The following RAB25 variants were observed in gnomAD, a reference collection of about 807,000 sequenced individuals.
The protein encoded by RAB25 is RAB25, member RAS oncogene family.
In RAB25, 23 loss-of-function variants were observed where a neutral mutation model predicts 25.2. The observed-to-expected ratio is 0.91, with a 90% confidence interval of 0.66 to 1.29. RAB25 has a LOEUF of 1.29. Among genes scored for constraint, RAB25 ranks in the 50% most tolerant of loss-of-function variants. The probability of loss-of-function intolerance (pLI) is 0.00; values close to 1 mark genes in which losing one functional copy is unlikely to be tolerated. For missense variants in RAB25, 244 were observed against 277.3 expected (o/e 0.88, Z 0.85); for synonymous variants, 102 against 111.5 (o/e 0.91, Z 0.54).
intron 4 of RAB25, 141 bp from the exon 5 acceptor site, chr1:156,070,019 C>A: frequency 7.5e-7 from 1 of 1,330,710 alleles, no homozygotes; most frequent in Non-Finnish European, 1.1e-6. Flanking sequence ...GTCCACACTT[C>A]ATTTCCTTCC....
chr1:156,066,718 C>T (rs1414033022), intron 2 of RAB25, among the ~76,000 whole-genome samples: 1 of 152,024 alleles, frequency 6.6e-6, no homozygotes, highest in Non-Finnish European at 1.5e-5. Context: ...GTGGGTGGAT[C>T]GCTTGAGCTC....
intron 4 of RAB25, 41 bp from the exon 5 acceptor site, chr1:156,070,119 T>C (rs1281184527): frequency 6.2e-7 from 1 of 1,613,992 alleles, no homozygotes; most frequent in Non-Finnish European, 8.5e-7. Flanking sequence ...GAGCATGGGC[T>C]CTAAATCTTC....
At chr1:156,064,274 A>G (rs1430359114) in intron 1 of RAB25, among the ~76,000 whole-genome samples, 3 of 152,034 alleles carry the variant, frequency 2.0e-5, no homozygotes, top group Non-Finnish European at 4.4e-5. Context: ...ACACAATTTC[A>G]CTGTCACCCA....
intron 1 of RAB25, among the ~76,000 whole-genome samples, chr1:156,062,556 C>A (rs548568688): frequency 6.6e-6 from 1 of 152,274 alleles, no homozygotes; most frequent in African/African-American, 2.4e-5. Context: ...CTACTGGCAT[C>A]TTTTCCAGGA....
At chr1:156,061,602 T>C (rs1647582956) in intron 1 of RAB25, among the ~76,000 whole-genome samples, 159 bp downstream of exon 1, 1 of 152,094 alleles carries the variant, frequency 6.6e-6, no homozygotes, top group Non-Finnish European at 1.5e-5. Context: ...GGGGAGGGTC[T>C]GGTTGCAGGG....
chr1:156,062,828 G>T (rs1035471253), intron 1 of RAB25, among the ~76,000 whole-genome samples: 1 of 151,874 alleles, frequency 6.6e-6, no homozygotes, highest in Admixed American at 6.6e-5. Flanking sequence ...CCGAGGCGGC[G>T]GGATCACTTA....
chr1:156,061,374 C>CA lies in RAB25; in HGVS notation c.-26dup, dbSNP rs1647575715. ...GATTTGTCGCCTCTGTCCCCGAAGA[C>CA]ACCTGCACCCTCCATGCGGAGCCAA... On this transcript the variant is annotated 5_prime_UTR_variant, in exon 1 of 5. Transcript: ENST00000361084. The CA allele has an allele frequency of 3.7e-6, 6 of 1,613,430 alleles. No individual in the cohort carries two copies. Among genetic ancestry groups the CA allele is most frequent in the Non-Finnish European group, 5.1e-6 (6 of 1,179,410 alleles).
chr1:156,066,185 G>A, intron 2 of RAB25, 79 bp downstream of exon 2: 3 of 1,311,188 alleles, frequency 2.3e-6, no homozygotes, highest in African/African-American at 1.5e-5. Flanking sequence ...AGAAGTGGGG[G>A]AGGAGGAGGC....
chr1:156,066,060 A>T lies in RAB25; in HGVS notation c.193A>T (p.Ile65Phe). Reference sequence around the variant, plus strand: ...GGGCACCGCTGCTGTCAAGGCTCAGATCTGGGACACAGCTGGCCTGGAGCG... The same window carrying T: ...GGGCACCGCTGCTGTCAAGGCTCAGTTCTGGGACACAGCTGGCCTGGAGCG... Reference protein sequence around the residue: ...MLGTAAVKAQIWDTAGLERYR... With the variant: ...MLGTAAVKAQFWDTAGLERYR... Residue 65 changes from isoleucine (I) to phenylalanine (F), a missense_variant, in exon 2 of 5, where the codon ATC becomes TTC. Physicochemically the swap from Ile to Phe is conservative, Grantham distance 21 (BLOSUM62 0). Transcript: ENST00000361084. The T allele has an allele frequency of 6.2e-7, 1 of 1,612,374 alleles. No individual in the cohort carries two copies.
At chr1:156,062,192 G>C (rs1647608416) in intron 1 of RAB25, among the ~76,000 whole-genome samples, 1 of 152,178 alleles carries the variant, frequency 6.6e-6, no homozygotes, top group Non-Finnish European at 1.5e-5. Context: ...CCATTATAGG[G>C]TGGGGCAATA....
chr1:156,062,977 C>T (rs1180967220), intron 1 of RAB25, among the ~76,000 whole-genome samples: 2 of 150,190 alleles, frequency 1.3e-5, no homozygotes, highest in African/African-American at 2.4e-5. Flanking sequence ...TCACTTGAAC[C>T]CAGGAAGCAG....
intron 4 of RAB25, 189 bp downstream of exon 4, chr1:156,069,940 C>A: frequency 1.2e-6 from 1 of 844,886 alleles, no homozygotes; most frequent in Non-Finnish European, 1.9e-6. Flanking sequence ...AGGGAGGGAA[C>A]AGGCCACACT....
Position 156,069,877 on chromosome 1 carries a change from A to T in RAB25, c.514+126A>T. 3.1e-6 allele frequency: 3 copies of T among 956,862 alleles called. No individual in the cohort carries two copies. In the South Asian group the frequency reaches 4.3e-5, roughly 14 times the overall value. 59.3% of individuals were successfully genotyped at this position (956,862 alleles called of 1,614,324 possible). A position where few individuals can be genotyped will look rare whatever the true frequency, so the allele number is the denominator to read the frequency against. Reference sequence around the variant, plus strand: ...CAGCTCCTCTGTGGGTCCTGGCACCACTGCCTGTCCCCCTCAGTCCCTCCC... The same window carrying T: ...CAGCTCCTCTGTGGGTCCTGGCACCTCTGCCTGTCCCCCTCAGTCCCTCCC... On this transcript the variant is annotated intron_variant, in intron 4 of 4. Coordinates refer to ENST00000361084, the MANE Select transcript of RAB25 (RefSeq NM_020387.4).
intron 1 of RAB25, 101 bp from the exon 2 acceptor site, chr1:156,065,810 C>T (rs1295622131): frequency 1.8e-5 from 17 of 958,780 alleles, no homozygotes; most frequent in South Asian, 4.4e-5. Context: ...AATCTTTTTT[C>T]TGAGCTCAGT....
At chr1:156,069,899 T>TC (rs1282653423) in intron 4 of RAB25, 148 bp downstream of exon 4, 2 of 863,912 alleles carry the variant, frequency 2.3e-6, no homozygotes, top group Non-Finnish European at 3.8e-6. Flanking sequence ...CCTCAGTCCC[T>TC]CCCCAGTGCC....
Position 156,066,002 on chromosome 1 carries a change from CGGGGT to C in RAB25, c.136_140del (p.Gly46Ter). On this transcript the variant is annotated frameshift_variant, in exon 2 of 5. Coordinates refer to ENST00000361084, the MANE Select transcript of RAB25 (RefSeq NM_020387.4). LOFTEE classifies it high-confidence loss of function. ...TCAGCCACGACAGCCGCACCACCAT[CGGGGT>C]TGAGTTCTCCACCCGCACTGTGATG... 1 of 1,614,072 alleles carries C rather than the reference CGGGGT, an allele frequency of 6.2e-7. No individual in the cohort carries two copies. Among genetic ancestry groups the C allele is most frequent in the Non-Finnish European group, 8.5e-7 (1 of 1,179,942 alleles).
At chr1:156,061,845 T>A (rs1222504632) in intron 1 of RAB25, among the ~76,000 whole-genome samples, 1 of 151,992 alleles carries the variant, frequency 6.6e-6, no homozygotes, top group Non-Finnish European at 1.5e-5. Context: ...AGTGCAGTGG[T>A]ACAATCTCAG....
Position 156,068,346 on chromosome 1 carries a change from T to C in RAB25, c.316T>C (p.Trp106Arg). 6.2e-7 allele frequency: 1 copy of C among 1,614,156 alleles called. No individual in the cohort carries two copies. Among genetic ancestry groups the C allele is most frequent in the South Asian group, 1.1e-5 (1 of 91,084 alleles). Reference protein sequence around the residue: ...KHQTYAVVERWLKELYDHAEA... With the variant: ...KHQTYAVVERRLKELYDHAEA... ...CCAGACCTATGCTGTGGTGGAGCGA[T>C]GGCTGAAGGAGCTCTATGACCATGC... The change falls in exon 3 of 5, where the codon TGG becomes CGG. Residue 106 changes from tryptophan to arginine, a missense_variant. Trp to Arg is a moderately radical substitution (Grantham distance 101). Transcript: ENST00000361084.
At chr1:156,062,843 CTGG>C (rs1647622320) in intron 1 of RAB25, among the ~76,000 whole-genome samples, 1 of 151,914 alleles carries the variant, frequency 6.6e-6, no homozygotes, top group Admixed American at 6.6e-5. Flanking sequence ...CACTTAAGGT[CTGG>C]AGTTCCAGAC....
Sources: gnomAD v4.1 joint callset for allele counts (sites outside exome capture counted in the v4.1 genomes callset) on GRCh38, gnomAD v4.1.1 for gene constraint, MANE v1.5 for transcripts, NCBI Gene and HGNC (gene_info 2026-07-23, HGNC 2026-07-21) for gene names.